The following PRKAR2B variants were observed in gnomAD, a reference collection of about 807,000 sequenced individuals.
The protein encoded by PRKAR2B is cAMP-dependent protein kinase type II-beta regulatory subunit.
A neutral mutation model predicts 49.9 loss-of-function variants in PRKAR2B; 14 were observed. The observed-to-expected ratio is 0.28, with a 90% CI of 0.19 to 0.44. The LOEUF (loss-of-function observed/expected upper bound fraction) is 0.44, where lower values mean the gene tolerates loss of function less well. Among genes scored for constraint, PRKAR2B ranks in the 20% least tolerant of loss-of-function variants. The pLI is 1.00. For missense variants in PRKAR2B, 393 were observed against 537.9 expected (o/e 0.73, Z 2.67); for synonymous variants, 196 against 197.7 (o/e 0.99, Z 0.07).
chr7:107,048,450 C>G (rs996798509), intron 1 of PRKAR2B, among the ~76,000 whole-genome samples: 1 of 151,994 alleles, frequency 6.6e-6, no homozygotes, highest in Non-Finnish European at 1.5e-5. Context: ...TTCATATCCT[C>G]TCTTGTGAAT....
At chr7:107,094,211 G>A (rs1225720389) in intron 2 of PRKAR2B, among the ~76,000 whole-genome samples, 1 of 152,154 alleles carries the variant, frequency 6.6e-6, no homozygotes, top group Non-Finnish European at 1.5e-5. Context: ...ATTCTAACTG[G>A]TGTGAGATGG....
intron 1 of PRKAR2B, among the ~76,000 whole-genome samples, chr7:107,055,797 T>G (rs1227021236): frequency 6.6e-6 from 1 of 152,260 alleles, no homozygotes; most frequent in East Asian, 1.9e-4. Flanking sequence ...TCTCTTTTGC[T>G]GTGCAGAAGC....
intron 2 of PRKAR2B, among the ~76,000 whole-genome samples, chr7:107,074,393 T>C (rs990969640): frequency 6.6e-6 from 1 of 152,096 alleles, no homozygotes; most frequent in Non-Finnish European, 1.5e-5. Context: ...TGTGAGCCAC[T>C]GCGCCCGGCC....
intron 3 of PRKAR2B, among the ~76,000 whole-genome samples, chr7:107,125,819 C>T (rs766583558): frequency 1.1e-4 from 16 of 151,826 alleles, no homozygotes; most frequent in South Asian, 2.1e-4. Flanking sequence ...CTGGGTGCAG[C>T]GGCTCATGCC....
At position 107,159,560 on chromosome 7, in the gene PRKAR2B, A is replaced by G. The variant is rs376761898; in HGVS notation, c.1235A>G (p.Asp412Gly). The G allele has an allele frequency of 6.0e-5, 97 of 1,613,980 alleles. No homozygotes were observed. Among genetic ancestry groups the G allele is most frequent in the Non-Finnish European group, 7.5e-5 (89 of 1,179,962 alleles). ...QLVALFGTNM[D>G]IVEPTA ...GTTGCCCTGTTTGGAACGAACATGG[A>G]TATTGTTGAACCCACTGCATGAAGC... The change falls in exon 11 of 11, where the codon GAT becomes GGT. Residue 412 changes from aspartate (D) to glycine (G), a missense_variant. Asp to Gly is a moderately conservative substitution (Grantham distance 94). Transcript: ENST00000265717.
Position 107,045,224 on chromosome 7 carries a change from A to G in PRKAR2B, c.307+10A>G. 7.1e-7 allele frequency: 1 copy of G among 1,412,760 alleles called. No individual in the cohort carries two copies. Among genetic ancestry groups the G allele is most frequent in the Non-Finnish European group, 9.2e-7 (1 of 1,086,096 alleles). The allele number at this position is 1,412,760 out of a possible 1,614,324, so 87.5% of individuals were successfully genotyped here. A position where few individuals can be genotyped will look rare whatever the true frequency, so the allele number is the denominator to read the frequency against. On this transcript the variant is annotated intron_variant, in intron 1 of 10. Coordinates refer to ENST00000265717, the MANE Select transcript of PRKAR2B (RefSeq NM_002736.3). ...GCAGGGGCGTTCAATGGTGAGGACC[A>G]GACCCCCCACTTCGCGCCCCCGGAT...
At chr7:107,097,492 C>G (rs1463023274) in intron 2 of PRKAR2B, among the ~76,000 whole-genome samples, 1 of 152,148 alleles carries the variant, frequency 6.6e-6, no homozygotes, top group Admixed American at 6.6e-5. Flanking sequence ...TTAATTGGAG[C>G]ATTTAGCCCA....
At chr7:107,080,519 T>C (rs1396643917) in intron 2 of PRKAR2B, among the ~76,000 whole-genome samples, 2 of 152,090 alleles carry the variant, frequency 1.3e-5, no homozygotes, top group Non-Finnish European at 2.9e-5. Flanking sequence ...ACTTGCAGTC[T>C]AGGGAAGCTT....
chr7:107,155,039 C>T (rs952233022), intron 8 of PRKAR2B, among the ~76,000 whole-genome samples: 1 of 152,110 alleles, frequency 6.6e-6, no homozygotes, highest in African/African-American at 2.4e-5. Context: ...CCAATGCTTG[C>T]GATGTTAGGA....
chr7:107,135,154 G>A (rs1045306830), intron 4 of PRKAR2B, among the ~76,000 whole-genome samples: 1 of 151,680 alleles, frequency 6.6e-6, no homozygotes, highest in African/African-American at 2.4e-5. Flanking sequence ...TTTAGAAATG[G>A]GCAAAGTGCT....
At chr7:107,132,314 T>C (rs1795617651) in intron 4 of PRKAR2B, among the ~76,000 whole-genome samples, 1 of 152,222 alleles carries the variant, frequency 6.6e-6, no homozygotes, top group Non-Finnish European at 1.5e-5. Context: ...CTTTCTCGAA[T>C]GCTATGCTGT....
intron 2 of PRKAR2B, among the ~76,000 whole-genome samples, chr7:107,092,602 A>G (rs958164972): frequency 1.3e-5 from 2 of 152,162 alleles, no homozygotes; most frequent in African/African-American, 4.8e-5. Context: ...GCTTTATGAA[A>G]TGTGATGTCT....
At chr7:107,118,042 A>T (rs1025887634) in intron 2 of PRKAR2B, among the ~76,000 whole-genome samples, 1 of 152,236 alleles carries the variant, frequency 6.6e-6, no homozygotes, top group African/African-American at 2.4e-5. Context: ...TATAGTTTCA[A>T]GCTAAATTTC....
chr7:107,153,467 G>A (rs1187968305), intron 8 of PRKAR2B, among the ~76,000 whole-genome samples: 3 of 152,128 alleles, frequency 2.0e-5, no homozygotes, highest in Non-Finnish European at 2.9e-5. Context: ...TAATGAAGGT[G>A]TATTAAACCA....
chr7:107,071,958 A>C (rs968916432), intron 2 of PRKAR2B, among the ~76,000 whole-genome samples: 3 of 151,594 alleles, frequency 2.0e-5, no homozygotes, highest in African/African-American at 4.8e-5. Flanking sequence ...AGTCCCAGCT[A>C]CTCGGGAGGC....
rs144118677 is a variant in PRKAR2B, at chr7:107,051,352, TAAG to T, written c.307+6143_307+6145del. Among the ~76,000 whole-genome samples the T allele has an allele frequency of 3.0e-3, 457 of 152,338 alleles. 4 individuals are homozygous for T. The highest frequency in any genetic ancestry group is 0.01 in the African/African-American group (433 of 41,590). ...AGACTATATTTTCCTATCACTTGCT[TAAG>T]AAGAGACAATGGAAAAGAAACAAGA... On this transcript the variant is annotated intron_variant, in intron 1 of 10. Transcript: ENST00000265717.
chr7:107,121,857 G>A (rs1436850044), intron 2 of PRKAR2B, 95 bp from the exon 3 acceptor site: 2 of 636,864 alleles, frequency 3.1e-6, no homozygotes, highest in Non-Finnish European at 5.1e-6. Flanking sequence ...TTTATACCGT[G>A]GTACTCTTTT....
chr7:107,128,243 A>T lies in PRKAR2B; in HGVS notation c.428A>T (p.Asn143Ile). 6.2e-7 allele frequency: 1 copy of T among 1,612,992 alleles called. No individual in the cohort carries two copies. Among genetic ancestry groups the T allele is most frequent in the East Asian group, 2.2e-5 (1 of 44,874 alleles). Residue 143 changes from asparagine to isoleucine, a missense_variant, in exon 4 of 11, where the codon AAT becomes ATT. Asn to Ile is a moderately radical substitution (Grantham distance 149). This residue lies in a region of PRKAR2B where 233 missense variants were observed against 390.4 expected (regional missense o/e 0.60). Coordinates refer to ENST00000265717, the MANE Select transcript of PRKAR2B (RefSeq NM_002736.3). ...CATCCAAAAACTGATGATCAAAGAA[A>T]TAGGTTGCAAGAGGCTTGCAAAGAC... ...IIHPKTDDQRNRLQEACKDIL... is the reference protein window; with the variant it reads ...IIHPKTDDQRIRLQEACKDIL...
intron 5 of PRKAR2B, among the ~76,000 whole-genome samples, chr7:107,145,335 C>G (rs180782691): frequency 1.3e-5 from 2 of 152,178 alleles, no homozygotes; most frequent in Non-Finnish European, 2.9e-5. Flanking sequence ...AGTTTGCCAA[C>G]GTCTGCTATA....
Sources: allele counts gnomAD v4.1 joint callset (sites outside exome capture counted in the v4.1 genomes callset), GRCh38; gene constraint gnomAD v4.1.1; regional missense constraint gnomAD v4.1.1; transcripts MANE v1.5; gene names NCBI Gene and HGNC (gene_info 2026-07-23, HGNC 2026-07-21).